The following SHISA9 variants were observed in gnomAD, a reference collection of about 807,000 sequenced individuals.
SHISA9 encodes shisa family member 9, also known as protein shisa-9.
Under a neutral mutation model 38.0 loss-of-function variants are expected in SHISA9, and 13 were observed. That is an observed-to-expected ratio of 0.34 (90% confidence interval 0.22 to 0.54). The LOEUF is 0.54. SHISA9 is among the 20% of genes least tolerant of loss of function. The probability of loss-of-function intolerance (pLI) is 0.91; values close to 1 mark genes in which losing one functional copy is unlikely to be tolerated. For missense variants in SHISA9, 538 were observed against 575.8 expected, an observed-to-expected ratio of 0.93 and a Z score of 0.67; for synonymous variants, 275 against 242.0, an observed-to-expected ratio of 1.14 and a Z score of -1.27.
At chr16:13,211,488 A>G (rs1030175776) in intron 3 of SHISA9, among the ~76,000 whole-genome samples, 2 of 152,194 alleles carry the variant, frequency 1.3e-5, no homozygotes, top group East Asian at 3.9e-4. Context: ...CCACATCCCA[A>G]TAAAAATGAG....
At chr16:13,137,592 A>G (rs1242978202) in intron 2 of SHISA9, among the ~76,000 whole-genome samples, 1 of 151,676 alleles carries the variant, frequency 6.6e-6, no homozygotes, top group Non-Finnish European at 1.5e-5. Context: ...AATAGCTGGG[A>G]CTACAGGTGC....
chr16:12,944,326 A>G (rs2071661937), intron 2 of SHISA9, among the ~76,000 whole-genome samples: 1 of 152,230 alleles, frequency 6.6e-6, no homozygotes, highest in Non-Finnish European at 1.5e-5. Flanking sequence ...TCCAAGCAGC[A>G]ACATTTCTTT....
At chr16:13,479,925 G>A in the SHISA9 span, among the ~76,000 whole-genome samples, 1 of 152,204 alleles carries the variant, frequency 6.6e-6, no homozygotes, top group African/African-American at 2.4e-5. Flanking sequence ...CGTCTGTTAA[G>A]ACAAGATGGC....
At chr16:13,485,668 C>A in the SHISA9 span, among the ~76,000 whole-genome samples, 2 of 152,180 alleles carry the variant, frequency 1.3e-5, no homozygotes, top group Non-Finnish European at 2.9e-5. Context: ...TTCTTCTCTT[C>A]TAGGTATTTT....
At chr16:13,290,484 C>T in the SHISA9 span, among the ~76,000 whole-genome samples, 8 of 152,036 alleles carry the variant, frequency 5.3e-5, no homozygotes, top group East Asian at 3.9e-4. Flanking sequence ...CACTAGGGAG[C>T]GTGGTATCTT....
At chr16:13,523,514 C>A in the SHISA9 span, among the ~76,000 whole-genome samples, 3 of 152,118 alleles carry the variant, frequency 2.0e-5, no homozygotes, top group Admixed American at 6.5e-5. Flanking sequence ...GTACAGGAAG[C>A]ATAGCAGCAT....
intron 2 of SHISA9, among the ~76,000 whole-genome samples, chr16:13,066,434 T>C (rs1347885396): frequency 6.6e-6 from 1 of 152,238 alleles, no homozygotes; most frequent in African/African-American, 2.4e-5. Context: ...CTCTTCTCTA[T>C]AGAATATAAA....
rs1189802514 is a variant in SHISA9, at chr16:13,209,394, G to A, written c.848-3859G>A. Reference sequence around the variant, plus strand: ...GGGATCTGATAAAACAAGCAGGCAAGCAAGCAAACAAATGGCTTTTCTAAG... The same window carrying A: ...GGGATCTGATAAAACAAGCAGGCAAACAAGCAAACAAATGGCTTTTCTAAG... On this transcript the variant is annotated intron_variant, in intron 3 of 4. Transcript: ENST00000558583. Among the ~76,000 whole-genome samples, 4 of 152,152 alleles carry A rather than the reference G, an allele frequency of 2.6e-5. No homozygotes were observed. The East Asian group carries it at 7.7e-4, about 29-fold the overall frequency.
chr16:12,907,539 C>T (rs958558651), intron 1 of SHISA9, among the ~76,000 whole-genome samples: 11 of 152,090 alleles, frequency 7.2e-5, no homozygotes, highest in African/African-American at 2.7e-4. Context: ...CATTATCACA[C>T]CCAGGAAAAA....
At chr16:13,454,520 G>A in the SHISA9 span, among the ~76,000 whole-genome samples, 2 of 152,192 alleles carry the variant, frequency 1.3e-5, no homozygotes, top group African/African-American at 4.8e-5. Flanking sequence ...TAATTCTATA[G>A]GTTGGTACCA....
At chr16:13,110,770 C>T (rs1289610882) in intron 2 of SHISA9, among the ~76,000 whole-genome samples, 1 of 152,202 alleles carries the variant, frequency 6.6e-6, no homozygotes, top group East Asian at 1.9e-4. Context: ...AATTTGGTCT[C>T]AGACAGCTGG....
intron 2 of SHISA9, among the ~76,000 whole-genome samples, chr16:12,958,221 G>C (rs1281124024): frequency 2.6e-5 from 4 of 152,204 alleles, no homozygotes; most frequent in African/African-American, 9.6e-5. Flanking sequence ...CTTAAAGGTA[G>C]TGCGGTATTC....
At chr16:13,463,083 G>T in the SHISA9 span, among the ~76,000 whole-genome samples, 24 of 152,312 alleles carry the variant, frequency 1.6e-4, no homozygotes, top group Non-Finnish European at 2.8e-4. Flanking sequence ...TTGAGCCTGG[G>T]GGGGGAAGGT....
chr16:12,998,981 T>C (rs1268312719), intron 2 of SHISA9, among the ~76,000 whole-genome samples: 1 of 152,182 alleles, frequency 6.6e-6, no homozygotes, highest in Non-Finnish European at 1.5e-5. Context: ...TCACTACATT[T>C]TTGTCATCCA....
At chr16:13,084,122 T>C (rs764449208) in intron 2 of SHISA9, among the ~76,000 whole-genome samples, 3 of 152,118 alleles carry the variant, frequency 2.0e-5, no homozygotes, top group Non-Finnish European at 4.4e-5. Flanking sequence ...AAAGGCTAGT[T>C]TCTTATAAAT....
intron 2 of SHISA9, among the ~76,000 whole-genome samples, chr16:12,985,670 G>C (rs1039280566): frequency 2.6e-5 from 4 of 152,134 alleles, no homozygotes; most frequent in Non-Finnish European, 1.5e-5. Context: ...CTAAGGGTTT[G>C]GGATGACAAA....
At chr16:13,204,176 A>G (rs1045746994) in intron 3 of SHISA9, among the ~76,000 whole-genome samples, 3 of 149,932 alleles carry the variant, frequency 2.0e-5, no homozygotes, top group East Asian at 2.0e-4. Flanking sequence ...CTATTTATCT[A>G]TCATCTTTCT....
chr16:13,269,829 C>G, the SHISA9 span, among the ~76,000 whole-genome samples: 1 of 152,122 alleles, frequency 6.6e-6, no homozygotes, highest in African/African-American at 2.4e-5. Context: ...CCAAGGCCAT[C>G]TATCTTATAA....
chr16:13,480,135 G>C, the SHISA9 span, among the ~76,000 whole-genome samples: 1 of 152,074 alleles, frequency 6.6e-6, no homozygotes, highest in South Asian at 2.1e-4. Flanking sequence ...CTTGGTGTGC[G>C]GTGTAGTGGG....
Sources: gnomAD v4.1 joint callset for allele counts (sites outside exome capture counted in the v4.1 genomes callset) on GRCh38, gnomAD v4.1.1 for gene constraint, MANE v1.5 for transcripts, NCBI Gene and HGNC (gene_info 2026-07-23, HGNC 2026-07-21) for gene names.